Variants in AK5 observed in about 807,000 individuals in gnomAD.
AK5 encodes adenylate kinase isoenzyme 5.
Under a neutral mutation model 69.5 loss-of-function variants are expected in AK5, and 27 were observed. That is an observed-to-expected ratio of 0.39 (90% CI 0.29 to 0.54). The LOEUF is 0.54. Among genes scored for constraint, AK5 ranks in the 20% least tolerant of loss-of-function variants. The pLI is 0.71. For missense variants in AK5, 531 were observed against 700.4 expected, an observed-to-expected ratio of 0.76 and a Z score of 2.73; for synonymous variants, 260 against 244.4, an observed-to-expected ratio of 1.06 and a Z score of -0.60.
chr1:77,389,299 G>T (rs181916899), intron 6 of AK5, among the ~76,000 whole-genome samples: 2 of 152,174 alleles, frequency 1.3e-5, no homozygotes, highest in Admixed American at 6.5e-5. Context: ...ATTTTCAAAC[G>T]TGTAGTTAAG....
chr1:77,294,105 T>C, intron 3 of AK5, 145 bp downstream of exon 3: 2 of 670,024 alleles, frequency 3.0e-6, no homozygotes, highest in Non-Finnish European at 4.8e-6. Context: ...TAAATGGAAA[T>C]ATTCTTAGTA....
chr1:77,517,068 CAAAA>C (rs111239926), intron 10 of AK5, among the ~76,000 whole-genome samples: 1 of 136,254 alleles, frequency 7.3e-6, no homozygotes, highest in Non-Finnish European at 1.6e-5. Context: ...AAGACCATCT[CAAAA>C]AAAAAAAAAA....
At chr1:77,427,921 T>G (rs1651321714) in intron 8 of AK5, among the ~76,000 whole-genome samples, 1 of 152,242 alleles carries the variant, frequency 6.6e-6, no homozygotes, top group African/African-American at 2.4e-5. Flanking sequence ...AAAAGTGTCC[T>G]TGTTCACAGA....
intron 10 of AK5, among the ~76,000 whole-genome samples, chr1:77,516,860 A>G (rs555005430): frequency 2.4e-4 from 37 of 152,184 alleles, no homozygotes; most frequent in Admixed American, 5.2e-4. Context: ...ACTTGAAGCC[A>G]GGAGTTCGAC....
intron 8 of AK5, among the ~76,000 whole-genome samples, chr1:77,434,429 C>G (rs1010938489): frequency 6.6e-6 from 1 of 152,028 alleles, no homozygotes; most frequent in African/African-American, 2.4e-5. Context: ...CTCCAGGGCC[C>G]AACTGGAAAA....
At chr1:77,283,743 G>T in intron 1 of AK5, 3 of 497,072 alleles carry the variant, frequency 6.0e-6, no homozygotes, top group Non-Finnish European at 7.8e-6. Flanking sequence ...CTTAAGAGTT[G>T]TTTTTTTTGT....
intron 13 of AK5, among the ~76,000 whole-genome samples, chr1:77,548,419 T>G (rs1225533888): frequency 2.6e-5 from 4 of 152,142 alleles, no homozygotes; most frequent in Non-Finnish European, 5.9e-5. Context: ...CACACTGAGG[T>G]CTACCTTGCT....
intron 5 of AK5, among the ~76,000 whole-genome samples, chr1:77,321,211 C>T (rs1660510326): frequency 6.6e-6 from 1 of 152,148 alleles, no homozygotes; most frequent in African/African-American, 2.4e-5. Context: ...GTGGCTCACT[C>T]CTATAATCCC....
intron 6 of AK5, among the ~76,000 whole-genome samples, chr1:77,351,163 A>G (rs1010603670): frequency 6.6e-6 from 1 of 152,116 alleles, no homozygotes; most frequent in Non-Finnish European, 1.5e-5. Flanking sequence ...GGAGGCTGAA[A>G]TGGGTGGATT....
At chr1:77,397,730 A>T (rs541517796) in intron 6 of AK5, among the ~76,000 whole-genome samples, 184 of 152,142 alleles carry the variant, frequency 1.2e-3, no homozygotes, top group Non-Finnish European at 2.0e-3. Context: ...CCTTGTCTCT[A>T]CAAAAAATTT....
chr1:77,505,079 T>C (rs1476750540), intron 10 of AK5, among the ~76,000 whole-genome samples: 1 of 152,230 alleles, frequency 6.6e-6, no homozygotes, highest in East Asian at 1.9e-4. Flanking sequence ...TTCAAAACAG[T>C]TGTGCCCGTT....
chr1:77,396,515 A>T (rs116219054), intron 6 of AK5, among the ~76,000 whole-genome samples: 1 of 152,376 alleles, frequency 6.6e-6, no homozygotes, highest in Non-Finnish European at 1.5e-5. Flanking sequence ...AACAAAGATC[A>T]ATTTGGTGTT....
intron 8 of AK5, among the ~76,000 whole-genome samples, chr1:77,429,623 T>C (rs1651458251): frequency 6.6e-6 from 1 of 152,196 alleles, no homozygotes; most frequent in Non-Finnish European, 1.5e-5. Context: ...AATAAGTGCA[T>C]GGTGCTGTGT....
intron 8 of AK5, among the ~76,000 whole-genome samples, chr1:77,452,472 T>G (rs2100659526): frequency 6.6e-6 from 1 of 152,360 alleles, no homozygotes; most frequent in South Asian, 2.1e-4. Context: ...ATTTAAATGT[T>G]TGGAGTAAGA....
At chr1:77,365,077 T>C (rs529749891) in intron 6 of AK5, among the ~76,000 whole-genome samples, 1 of 152,222 alleles carries the variant, frequency 6.6e-6, no homozygotes, top group Non-Finnish European at 1.5e-5. Flanking sequence ...CCTGGTGAGA[T>C]GATACTTCAT....
intron 5 of AK5, among the ~76,000 whole-genome samples, chr1:77,302,951 T>A (rs180979933): frequency 6.6e-6 from 1 of 152,314 alleles, no homozygotes; most frequent in East Asian, 1.9e-4. Context: ...CATCCTAAAA[T>A]GTCTGTGCCC....
At chr1:77,315,071 G>T (rs1209151515) in intron 5 of AK5, 1 of 151,962 alleles carries the variant, frequency 6.6e-6, no homozygotes, top group East Asian at 1.9e-4. Context: ...ATTAGCATAT[G>T]GTCTCTCATT....
intron 10 of AK5, among the ~76,000 whole-genome samples, chr1:77,517,679 G>A (rs956449078): frequency 5.9e-5 from 9 of 152,110 alleles, no homozygotes; most frequent in African/African-American, 1.9e-4. Context: ...CAGATACTCA[G>A]AATTGATAAT....
At chr1:77,513,174 A>G (rs557053470) in intron 10 of AK5, among the ~76,000 whole-genome samples, 3 of 152,258 alleles carry the variant, frequency 2.0e-5, no homozygotes, top group Admixed American at 2.0e-4. Flanking sequence ...TCCAAGTTCC[A>G]TTACTGAAGA....
Sources: gnomAD v4.1 joint callset for allele counts (sites outside exome capture counted in the v4.1 genomes callset) on GRCh38, gnomAD v4.1.1 for gene constraint, MANE v1.5 for transcripts, NCBI Gene and HGNC (gene_info 2026-07-23, HGNC 2026-07-21) for gene names.